SPIDR: variants seen among roughly 807,000 people sequenced by gnomAD.
The protein encoded by SPIDR is scaffold protein involved in DNA repair.
In SPIDR, 93 loss-of-function variants were observed where a neutral mutation model predicts 104.6. The ratio of observed to expected loss-of-function variants is 0.89; its 90% confidence interval spans 0.75 to 1.06. SPIDR has a LOEUF of 1.06. Among genes scored for constraint, SPIDR ranks in the 50% least tolerant of loss-of-function variants. SPIDR has a pLI of 0.00. For synonymous variants in SPIDR, 431 were observed against 416.9 expected, an observed-to-expected ratio of 1.03 and a Z score of -0.41; for missense variants, 1,154 against 1,111.2, an observed-to-expected ratio of 1.04 and a Z score of -0.55.
intron 8 of SPIDR, among the ~76,000 whole-genome samples, chr8:47,513,940 C>T (rs1312538955): frequency 6.6e-6 from 1 of 152,040 alleles, no homozygotes; most frequent in East Asian, 1.9e-4. Flanking sequence ...TGCCTCTTGC[C>T]CACAGGTGAA....
At chr8:47,695,953 G>A (rs1464015360) in intron 11 of SPIDR, among the ~76,000 whole-genome samples, 1 of 152,138 alleles carries the variant, frequency 6.6e-6, no homozygotes, top group Non-Finnish European at 1.5e-5. Context: ...TGGGCGTGGT[G>A]CCACTCCCAC....
At chr8:47,297,261 A>C (rs2041024058) in intron 5 of SPIDR, among the ~76,000 whole-genome samples, 1 of 152,154 alleles carries the variant, frequency 6.6e-6, no homozygotes, top group South Asian at 2.1e-4. Flanking sequence ...TAGCAGTGGC[A>C]AGAGCGGGCA....
chr8:47,544,168 T>C (rs1316399134), intron 8 of SPIDR, among the ~76,000 whole-genome samples: 1 of 152,190 alleles, frequency 6.6e-6, no homozygotes, highest in African/African-American at 2.4e-5. Flanking sequence ...CATCTTTTCA[T>C]GTGCTCATTT....
At chr8:47,351,471 G>C (rs545402013) in intron 5 of SPIDR, among the ~76,000 whole-genome samples, 2 of 152,180 alleles carry the variant, frequency 1.3e-5, no homozygotes, top group Non-Finnish European at 2.9e-5. Flanking sequence ...GATGAAACAG[G>C]TGTGTTTAAT....
intron 8 of SPIDR, among the ~76,000 whole-genome samples, chr8:47,535,677 AT>A (rs1381800025): frequency 1.3e-5 from 2 of 152,110 alleles, no homozygotes; most frequent in Non-Finnish European, 2.9e-5. Flanking sequence ...TCCAACACCC[AT>A]TTTTTGATGT....
At chr8:47,595,496 TGTGACA>T (rs906502760) in intron 8 of SPIDR, among the ~76,000 whole-genome samples, 1 of 9,754 alleles carries the variant, frequency 1.0e-4, no homozygotes, top group Non-Finnish European at 1.6e-4. Flanking sequence ...TTTTTGAGGC[TGTGACA>T]GTTTTTGTTT....
chr8:47,545,421 G>C (rs1340191941), intron 8 of SPIDR, among the ~76,000 whole-genome samples: 1 of 151,288 alleles, frequency 6.6e-6, no homozygotes, highest in African/African-American at 2.4e-5. Flanking sequence ...TTAAAATTTT[G>C]GTGTCCATGT....
intron 5 of SPIDR, among the ~76,000 whole-genome samples, chr8:47,375,309 G>A (rs1026960479): frequency 2.5e-5 from 3 of 120,596 alleles, no homozygotes; most frequent in Middle Eastern, 7.0e-3. Flanking sequence ...TGGTTCAATC[G>A]TGGCTCACCA....
chr8:47,282,722 T>C (rs2038034107), intron 2 of SPIDR, among the ~76,000 whole-genome samples: 1 of 152,248 alleles, frequency 6.6e-6, no homozygotes, highest in African/African-American at 2.4e-5. Flanking sequence ...AGTAGCACTT[T>C]CAATTTCGTT....
chr8:47,274,750 A>G (rs797041745), intron 1 of SPIDR, among the ~76,000 whole-genome samples: 8 of 151,260 alleles, frequency 5.3e-5, no homozygotes, highest in African/African-American at 1.5e-4. Context: ...TAATTTTTGT[A>G]TTTTTAGTAG....
At chr8:47,458,333 T>G (rs1450312757) in intron 8 of SPIDR, among the ~76,000 whole-genome samples, 4 of 90,634 alleles carry the variant, frequency 4.4e-5, no homozygotes, top group African/African-American at 2.1e-4. Context: ...GTATTTTATT[T>G]TATTTTATTT....
At position 47,734,162 on chromosome 8, in the gene SPIDR, G is replaced by T. The variant is rs372482749; in HGVS notation, c.2605-1145G>T. ...GGCATTAGCGGGTGCCCCCAAGGCCGGTGGGAGTCACAGAAGGCTCCTACG... is the reference window on the plus strand; with the variant it reads ...GGCATTAGCGGGTGCCCCCAAGGCCTGTGGGAGTCACAGAAGGCTCCTACG... On this transcript the variant is annotated intron_variant, in intron 19 of 19. Coordinates refer to ENST00000297423, the MANE Select transcript of SPIDR (RefSeq NM_001080394.4). 5.9e-5 allele frequency among the ~76,000 whole-genome samples: 9 copies of T among 152,280 alleles called. No individual in the cohort carries two copies. The South Asian group carries it at 8.3e-4, about 14-fold the overall frequency.
chr8:47,406,808 T>C (rs1264789074), intron 6 of SPIDR, among the ~76,000 whole-genome samples: 2 of 152,220 alleles, frequency 1.3e-5, no homozygotes, highest in African/African-American at 4.8e-5. Flanking sequence ...GTTAGTTACG[T>C]AATGCTGGAG....
At chr8:47,328,274 A>T (rs993895994) in intron 5 of SPIDR, among the ~76,000 whole-genome samples, 9 of 150,314 alleles carry the variant, frequency 6.0e-5, no homozygotes, top group African/African-American at 7.3e-5. Flanking sequence ...TTTTTTTTTT[A>T]AAGAGATAAA....
intron 8 of SPIDR, among the ~76,000 whole-genome samples, chr8:47,595,133 A>G (rs1481000040): frequency 1.3e-5 from 2 of 152,168 alleles, no homozygotes; most frequent in African/African-American, 2.4e-5. Flanking sequence ...TACTTTACAT[A>G]TAATATCAGG....
chr8:47,636,548 C>T lies in SPIDR; in HGVS notation c.1545-37253C>T, dbSNP rs148596443. ...ATTAAACAGCCAAGTTGGCCAGGCG[C>T]GGTGGCTCATGCCTGTAATCCCAGC... On this transcript the variant is annotated intron_variant, in intron 10 of 19. Transcript: ENST00000297423. Among the ~76,000 whole-genome samples, 548 of 152,232 alleles carry T rather than the reference C, an allele frequency of 3.6e-3. 2 individuals are homozygous for T. Among genetic ancestry groups the T allele is most frequent in the Non-Finnish European group, 6.5e-3 (445 of 67,994 alleles).
chr8:47,684,974 T>G (rs998080344), intron 11 of SPIDR, among the ~76,000 whole-genome samples: 134 of 152,298 alleles, frequency 8.8e-4, no homozygotes, highest in Middle Eastern at 3.4e-3. Flanking sequence ...ATCCCAGCAC[T>G]TTGAGAGGCT....
intron 8 of SPIDR, among the ~76,000 whole-genome samples, chr8:47,504,359 TCTC>T (rs2081115374): frequency 6.6e-6 from 1 of 152,182 alleles, no homozygotes; most frequent in African/African-American, 2.4e-5. Context: ...TCTCTAAACT[TCTC>T]TTCTCACTTC....
chr8:47,601,060 G>A (rs904928357), intron 10 of SPIDR, among the ~76,000 whole-genome samples: 3 of 152,208 alleles, frequency 2.0e-5, no homozygotes, highest in Non-Finnish European at 4.4e-5. Context: ...ACCGATGTGA[G>A]TTGCATTGTG....
Sources: gnomAD v4.1 joint callset for allele counts (sites outside exome capture counted in the v4.1 genomes callset) on GRCh38, gnomAD v4.1.1 for gene constraint, MANE v1.5 for transcripts, NCBI Gene and HGNC (gene_info 2026-07-23, HGNC 2026-07-21) for gene names.